The following ADGRL2 variants were observed in gnomAD, a reference collection of about 807,000 sequenced individuals.
ADGRL2 encodes calcium-independent alpha-latrotoxin receptor 2.
A neutral mutation model predicts 157.4 loss-of-function variants in ADGRL2; 44 were observed. That is an observed-to-expected ratio of 0.28 (90% CI 0.22 to 0.36). The LOEUF (loss-of-function observed/expected upper bound fraction) is 0.36. Among genes scored for constraint, ADGRL2 ranks in the 10% least tolerant of loss-of-function variants. ADGRL2 has a pLI of 1.00. For missense variants in ADGRL2, 1,510 were observed against 1,768.9 expected (o/e 0.85, Z 2.63); for synonymous variants, 585 against 624.7 (o/e 0.94, Z 0.95).
At chr1:81,729,688 G>A (rs545277667) in intron 1 of ADGRL2, among the ~76,000 whole-genome samples, 1 of 152,140 alleles carries the variant, frequency 6.6e-6, no homozygotes, top group African/African-American at 2.4e-5. Context: ...TCATTTAACT[G>A]ATTTCTGACA....
rs913709229 is a variant in ADGRL2, at chr1:81,604,920, T to C, written c.-143+23940T>C. Among the ~76,000 whole-genome samples the C allele has an allele frequency of 3.3e-5, 5 of 152,216 alleles. No individual in the cohort carries two copies. The South Asian group carries it at 1.0e-3, about 32-fold the overall frequency. On this transcript the variant is annotated intron_variant, in intron 3 of 24. Coordinates refer to the ADGRL2 transcript ENST00000370721. ...GCACACCCACACACTTTGAGAAAGA[T>C]ATTATGTTTATTCATTTTTACCACC...
chr1:81,599,557 C>A (rs2081298062), intron 3 of ADGRL2, among the ~76,000 whole-genome samples: 1 of 152,058 alleles, frequency 6.6e-6, no homozygotes, highest in African/African-American at 2.4e-5. Flanking sequence ...TTCCAACTTT[C>A]TTCTTGGGTG....
intron 1 of ADGRL2, among the ~76,000 whole-genome samples, chr1:81,347,316 G>A (rs535833360): frequency 1.1e-4 from 17 of 151,960 alleles, no homozygotes; most frequent in Non-Finnish European, 2.1e-4. Flanking sequence ...CAGGAGAATC[G>A]CTTGAACCCG....
At chr1:81,344,221 C>A (rs998012219) in intron 1 of ADGRL2, among the ~76,000 whole-genome samples, 1 of 152,146 alleles carries the variant, frequency 6.6e-6, no homozygotes, top group Non-Finnish European at 1.5e-5. Context: ...GGCGCAACGT[C>A]ACCACGCCCT....
chr1:81,708,242 G>A (rs185592534), intron 1 of ADGRL2, among the ~76,000 whole-genome samples: 8 of 152,208 alleles, frequency 5.3e-5, no homozygotes, highest in Middle Eastern at 3.4e-3. Flanking sequence ...AGAGAATGCC[G>A]TGCTTCACAT....
intron 1 of ADGRL2, among the ~76,000 whole-genome samples, chr1:81,747,235 ATATATATGTATATGTGTG>A (rs2085324074): frequency 6.8e-6 from 1 of 146,702 alleles, no homozygotes; most frequent in Non-Finnish European, 1.5e-5. Flanking sequence ...GTATATATAC[ATATATATGTATATGTGTG>A]TATATATGTA....
At chr1:81,544,608 T>C (rs1050743395) in intron 2 of ADGRL2, among the ~76,000 whole-genome samples, 11 of 152,184 alleles carry the variant, frequency 7.2e-5, no homozygotes, top group African/African-American at 2.7e-4. Flanking sequence ...AGTTGCCTAG[T>C]CCTGCCAACT....
chr1:81,606,837 T>C (rs916869062), intron 3 of ADGRL2, among the ~76,000 whole-genome samples: 3 of 152,132 alleles, frequency 2.0e-5, no homozygotes, highest in African/African-American at 7.2e-5. Flanking sequence ...CATTTGTGGC[T>C]TTCATATAAG....
intron 10 of ADGRL2, 192 bp from the exon 11 acceptor site, chr1:81,955,685 C>G (rs1653288686): frequency 2.4e-6 from 1 of 419,686 alleles, no homozygotes; most frequent in Non-Finnish European, 4.2e-6. Context: ...AATCTTCAGT[C>G]AGTCCTGTTT....
chr1:81,749,469 A>T (rs889799929), intron 1 of ADGRL2, among the ~76,000 whole-genome samples: 1 of 152,256 alleles, frequency 6.6e-6, no homozygotes, highest in Non-Finnish European at 1.5e-5. Flanking sequence ...ATAACCTGGC[A>T]TACCACATAT....
intron 1 of ADGRL2, among the ~76,000 whole-genome samples, chr1:81,731,504 C>CT (rs34615420): frequency 0.11 from 16,002 of 149,122 alleles, 857 homozygotes; most frequent in South Asian, 0.2. Flanking sequence ...GTTCTATCAT[C>CT]TTTTTTTTTT....
intron 3 of ADGRL2, among the ~76,000 whole-genome samples, chr1:81,671,833 T>G (rs973252849): frequency 2.0e-5 from 3 of 152,220 alleles, no homozygotes; most frequent in African/African-American, 4.8e-5. Flanking sequence ...GAAATTCTAA[T>G]GAGCTCTCAG....
At chr1:81,816,240 A>G (rs1434056831) in intron 1 of ADGRL2, among the ~76,000 whole-genome samples, 1 of 151,774 alleles carries the variant, frequency 6.6e-6, no homozygotes. Context: ...TTGTTAGCTT[A>G]TTTTATTCAA....
At chr1:81,776,283 A>G (rs9661542) in intron 2 of ADGRL2, among the ~76,000 whole-genome samples, 30,472 of 150,798 alleles carry the variant, frequency 0.2, 3,379 homozygotes, top group African/African-American at 0.29. Context: ...CTGCCTCTCG[A>G]GTTCAAGCAA....
At chr1:81,703,483 C>T (rs2083638406) in intron 1 of ADGRL2, among the ~76,000 whole-genome samples, 1 of 151,846 alleles carries the variant, frequency 6.6e-6, no homozygotes, top group Admixed American at 6.6e-5. Context: ...AGGATGGTGT[C>T]AGGAAATCTG....
At chr1:81,760,237 G>A (rs2085829230) in intron 1 of ADGRL2, among the ~76,000 whole-genome samples, 1 of 152,116 alleles carries the variant, frequency 6.6e-6, no homozygotes, top group South Asian at 2.1e-4. Context: ...TGACTACACA[G>A]TTTGGCTCAT....
At chr1:81,987,127 T>C in intron 22 of ADGRL2, 98 bp downstream of exon 22, 1 of 1,443,712 alleles carries the variant, frequency 6.9e-7, no homozygotes, top group African/African-American at 1.4e-5. Flanking sequence ...CATATATTTA[T>C]TGTTACATTC....
At chr1:81,965,943 T>C (rs917344905) in intron 11 of ADGRL2, 115 bp from the exon 12 acceptor site, 2 of 1,098,354 alleles carry the variant, frequency 1.8e-6, no homozygotes, top group Non-Finnish European at 2.6e-6. Flanking sequence ...AACAGTAAAA[T>C]TTTTTAAGTA....
At chr1:81,732,754 A>G (rs1570996498) in intron 1 of ADGRL2, among the ~76,000 whole-genome samples, 2 of 152,334 alleles carry the variant, frequency 1.3e-5, no homozygotes, top group Non-Finnish European at 2.9e-5. Context: ...GTGACCTAAC[A>G]TTTGTCTTCA....
Sources: gnomAD v4.1 joint callset for allele counts (sites outside exome capture counted in the v4.1 genomes callset) on GRCh38, gnomAD v4.1.1 for gene constraint, MANE v1.5 for transcripts, NCBI Gene and HGNC (gene_info 2026-07-23, HGNC 2026-07-21) for gene names.